The following POLR1C variants were observed in gnomAD, a reference collection of about 807,000 sequenced individuals.
POLR1C encodes the protein DNA-directed RNA polymerases I and III subunit RPAC1.
POLR1C carries 42 observed loss-of-function variants against 38.3 expected under a neutral mutation model. That is an observed-to-expected ratio of 1.10 (90% CI 0.86 to 1.42). The LOEUF (loss-of-function observed/expected upper bound fraction) is 1.42, where lower values mean the gene tolerates loss of function less well. POLR1C is among the 40% of genes most tolerant of loss of function. POLR1C has a pLI of 0.00. For synonymous variants in POLR1C, 163 were observed against 163.9 expected, an observed-to-expected ratio of 0.99 and a Z score of 0.04; for missense variants, 507 against 450.5, an observed-to-expected ratio of 1.13 and a Z score of -1.14.
In POLR1C at chr6:43,556,918, G is replaced by A. The variant is rs148176627; in HGVS notation, c.*49-4482G>A. On this transcript the variant is annotated intron_variant, in intron 10 of 10. Coordinates refer to the POLR1C transcript ENST00000607635. ...CAAGGCAGGTGAATCAGCTGAGGTC[G>A]GGAGTTCGAGACCAGCCTGGCCAAC... is the stretch of plus-strand genomic sequence containing the variant. Among the ~76,000 whole-genome samples the A allele has an allele frequency of 7.1e-3, 1,086 of 152,114 alleles. 9 individuals carry two copies. Among genetic ancestry groups the A allele is most frequent in the African/African-American group, 0.025 (1,034 of 41,510 alleles).
At chr6:43,555,465 G>C (rs1245701549) in intron 10 of POLR1C, 1 of 162,788 alleles carries the variant, frequency 6.1e-6, no homozygotes, top group Admixed American at 6.0e-5. Flanking sequence ...CTGATTTCAG[G>C]AATAGTGCTA....
chr6:43,554,809 C>T (rs1276407225), intron 10 of POLR1C, among the ~76,000 whole-genome samples: 1 of 152,174 alleles, frequency 6.6e-6, no homozygotes, highest in East Asian at 1.9e-4. Flanking sequence ...TGGGCTTCCT[C>T]AACCTTTCAA....
chr6:43,547,848 A>C (rs1284575647), intron 9 of POLR1C: 3 of 633,816 alleles, frequency 4.7e-6, no homozygotes, highest in South Asian at 4.3e-5. Context: ...ACTAATTGTC[A>C]GTTGTCATTT....
downstream of POLR1C, chr6:43,522,576 CCACACAGGAAGAGGGAGCAA>C (rs1229948892): frequency 3.2e-6 from 1 of 312,760 alleles, no homozygotes; most frequent in Non-Finnish European, 7.1e-6. Context: ...ACCCAGAGCA[CCACACAGGAAGAGGGAGCAA>C]CACAAGACTC....
intron 9 of POLR1C, among the ~76,000 whole-genome samples, chr6:43,536,779 A>AC (rs1794354126): frequency 6.7e-6 from 1 of 150,054 alleles, no homozygotes; most frequent in African/African-American, 2.4e-5. Context: ...AAAAAAAAAA[A>AC]AAAAAAAAAA....
rs369094278 is a variant in POLR1C at position 43,558,691 on chromosome 6, T to G, written c.*49-2709T>G. 44 of 868,154 alleles carry G rather than the reference T, an allele frequency of 5.1e-5. 1 individual carries two copies. Among genetic ancestry groups the G allele is most frequent in the Middle Eastern group, 4.5e-4 (2 of 4,404 alleles). The allele number at this position is 868,154 out of a possible 1,614,324, so 53.8% of individuals were successfully genotyped here. On this transcript the variant is annotated intron_variant, in intron 10 of 10. Transcript: ENST00000607635. ...AAGCACTTTTAATTTATTTAAGAGTTAAGCGTTTGCATGAGATATTGTATG... is the reference window on the plus strand; with the variant it reads ...AAGCACTTTTAATTTATTTAAGAGTGAAGCGTTTGCATGAGATATTGTATG...
downstream of POLR1C, chr6:43,533,607 T>G (rs1003437660): frequency 1.4e-5 from 3 of 216,798 alleles, no homozygotes; most frequent in African/African-American, 6.8e-5. Flanking sequence ...AAGGCCATGG[T>G]GGGAGGACTG....
chr6:43,553,020 T>C (rs923379750), intron 10 of POLR1C, among the ~76,000 whole-genome samples: 4 of 126,118 alleles, frequency 3.2e-5, no homozygotes, highest in Admixed American at 7.2e-5. Flanking sequence ...CCTATTCTAC[T>C]ACCAGTTTAC....
chr6:43,557,269 A>G (rs1165528516), intron 10 of POLR1C, among the ~76,000 whole-genome samples: 1 of 151,974 alleles, frequency 6.6e-6, no homozygotes, highest in African/African-American at 2.4e-5. Flanking sequence ...TACTAAAAAC[A>G]CAAAAAATTG....
Position 43,521,286 on chromosome 6 carries a change from G to T in POLR1C, c.1027G>T (p.Val343Phe), listed in dbSNP as rs748680988. ...GCGCTTCTTGGATGAACTAGATGCGGTTCAGATGGACTGAGCTTGGATGCT... is the reference window on the plus strand; with the variant it reads ...GCGCTTCTTGGATGAACTAGATGCGTTTCAGATGGACTGAGCTTGGATGCT... ...CRRFLDELDA[V>F]QMD The change falls in exon 9 of 9, where the codon GTT becomes TTT. Residue 343 changes from valine to phenylalanine, a missense_variant. Val to Phe is a conservative substitution (Grantham distance 50). Transcript: ENST00000642195. 2 of 1,612,404 alleles carry T rather than the reference G, an allele frequency of 1.2e-6. No individual in the cohort carries two copies. The highest frequency in any genetic ancestry group is 1.7e-6 in the Non-Finnish European group (2 of 1,180,010).
At chr6:43,518,226 G>T (rs1159593181) in intron 2 of POLR1C, among the ~76,000 whole-genome samples, 1 of 152,228 alleles carries the variant, frequency 6.6e-6, no homozygotes, top group African/African-American at 2.4e-5. Context: ...GGAGCAGGCA[G>T]ATCTGTTGTA....
At position 43,517,181 on chromosome 6, in the gene POLR1C, A is replaced by G; in HGVS notation, c.69+3A>G. ...TGGGGGAGTTTGGGGTTCGCAATGT[A>G]AGCCTTGTGGCCTTGAGCTCGGGCG... On this transcript the variant is annotated splice_donor_region_variant and intron_variant, in intron 1 of 8. Coordinates refer to ENST00000642195, the MANE Select transcript of POLR1C (RefSeq NM_203290.4). 6.2e-7 allele frequency: 1 copy of G among 1,614,088 alleles called. No individual in the cohort carries two copies. The highest frequency in any genetic ancestry group is 8.5e-7 in the Non-Finnish European group (1 of 1,179,950).
intron 10 of POLR1C, chr6:43,551,098 T>C: frequency 2.4e-6 from 1 of 411,672 alleles, no homozygotes. Flanking sequence ...GTTACAAAAA[T>C]AATTAGCCTA....
chr6:43,534,721 G>C (rs1178436233), intron 9 of POLR1C, among the ~76,000 whole-genome samples: 5 of 152,148 alleles, frequency 3.3e-5, no homozygotes, highest in African/African-American at 1.2e-4. Context: ...TTCTAGGCTG[G>C]GCTCGGTGGC....
At chr6:43,556,081 G>T in intron 10 of POLR1C, 1 of 1,387,868 alleles carries the variant, frequency 7.2e-7, no homozygotes, top group Non-Finnish European at 9.7e-7. Flanking sequence ...CTGTTTTGCA[G>T]ACTTGTGCTT....
chr6:43,555,246 T>C (rs1416331331), intron 10 of POLR1C: 1 of 152,304 alleles, frequency 6.6e-6, no homozygotes, highest in South Asian at 2.1e-4. Flanking sequence ...CCAGCCTTTT[T>C]GCTTTATTAA....
chr6:43,558,787 A>G (rs1325640351), intron 10 of POLR1C: 3 of 483,390 alleles, frequency 6.2e-6, no homozygotes, highest in Non-Finnish European at 1.1e-5. Flanking sequence ...CAGTGGTAGA[A>G]AAGAGAATAC....
At chr6:43,537,057 C>T (rs1794380382) in intron 9 of POLR1C, among the ~76,000 whole-genome samples, 1 of 152,084 alleles carries the variant, frequency 6.6e-6, no homozygotes, top group African/African-American at 2.4e-5. Context: ...GCCTCAAACT[C>T]CTGGGCTCAA....
chr6:43,556,161 G>A, intron 10 of POLR1C: 3 of 624,042 alleles, frequency 4.8e-6, no homozygotes, highest in Non-Finnish European at 7.7e-6. Flanking sequence ...ATGATCTCTG[G>A]AAACTGTATT....
Sources: allele counts gnomAD v4.1 joint callset (sites outside exome capture counted in the v4.1 genomes callset), GRCh38; gene constraint gnomAD v4.1.1; transcripts MANE v1.5; gene names NCBI Gene and HGNC (gene_info 2026-07-23, HGNC 2026-07-21).